Variants in COMMD10 observed in about 807,000 individuals in gnomAD.
COMMD10 encodes COMM domain-containing protein 10.
A neutral mutation model predicts 28.9 loss-of-function variants in COMMD10; 33 were observed. The observed-to-expected ratio is 1.14, with a 90% CI of 0.87 to 1.53. COMMD10 has a LOEUF of 1.53. Among genes scored for constraint, COMMD10 ranks in the 40% most tolerant of loss-of-function variants. The pLI is 0.00. For synonymous variants in COMMD10, 110 were observed against 81.7 expected, an observed-to-expected ratio of 1.35 and a Z score of -1.87; for missense variants, 310 against 233.4, an observed-to-expected ratio of 1.33 and a Z score of -2.14.
rs1751365110 is a variant in COMMD10 at position 116,291,645 on chromosome 5, A to G, written c.570+69A>G. 12 of 888,592 alleles carry G rather than the reference A, an allele frequency of 1.4e-5. 1 individual carries two copies. The highest frequency in any genetic ancestry group is 8.4e-5 in the Admixed American group (3 of 35,740). 55.0% of individuals were successfully genotyped at this position (888,592 alleles called of 1,614,324 possible). A position where few individuals can be genotyped will look rare whatever the true frequency, so the allele number is the denominator to read the frequency against. ...CATAATATTTTGTTTCATTTTATGA[A>G]TTCTTATTTTTAAATGTCATATTAT... On this transcript the variant is annotated intron_variant, in intron 6 of 6. Coordinates refer to ENST00000274458, the MANE Select transcript of COMMD10 (RefSeq NM_016144.4).
chr5:116,259,394 G>A (rs1439734335), intron 5 of COMMD10, among the ~76,000 whole-genome samples: 1 of 149,616 alleles, frequency 6.7e-6, no homozygotes, highest in East Asian at 2.0e-4. Flanking sequence ...TTTTTTGTCT[G>A]TGTGCTATCT....
Position 116,289,171 on chromosome 5 carries a change from C to T in COMMD10, c.511-2346C>T, listed in dbSNP as rs187914203. 1.8e-3 allele frequency among the ~76,000 whole-genome samples: 272 copies of T among 151,850 alleles called. 8 individuals carry two copies. The highest frequency in any genetic ancestry group is 5.9e-3 in the African/African-American group (245 of 41,242). On this transcript the variant is annotated intron_variant, in intron 5 of 6. Coordinates refer to ENST00000274458, the MANE Select transcript of COMMD10 (RefSeq NM_016144.4). ...TACTGGGATTACAGATTTGAGCTAC[C>T]GCTCCCAGCCTTCTTTTAGCTCATT...
chr5:116,210,715 A>T (rs945840500), intron 5 of COMMD10, among the ~76,000 whole-genome samples: 3 of 152,082 alleles, frequency 2.0e-5, no homozygotes, highest in Admixed American at 6.5e-5. Context: ...TACTACCTTT[A>T]TCACTGCCAC....
chr5:116,132,089 G>A (rs982751975), intron 4 of COMMD10, among the ~76,000 whole-genome samples: 39 of 151,928 alleles, frequency 2.6e-4, no homozygotes, highest in African/African-American at 8.7e-4. Flanking sequence ...GAGGCAGGTA[G>A]CCCAGTTAGA....
Position 116,240,283 on chromosome 5 carries a change from TGAG to T in COMMD10, c.511-51229_511-51227del, listed in dbSNP as rs567387371. 2.0e-3 allele frequency among the ~76,000 whole-genome samples: 307 copies of T among 151,214 alleles called. 2 individuals carry two copies. The highest frequency in any genetic ancestry group is 7.0e-3 in the African/African-American group (290 of 41,168). On this transcript the variant is annotated intron_variant, in intron 5 of 6. Transcript: ENST00000274458. ...ATGGGAAGAGAAAGGTAAGGTGAGATGAGGAGGGCAAAAGAAACAGAATGGAGA... is the reference window on the plus strand; with the variant it reads ...ATGGGAAGAGAAAGGTAAGGTGAGATGAGGGCAAAAGAAACAGAATGGAGA...
At chr5:116,106,430 C>T (rs539195025) in intron 4 of COMMD10, among the ~76,000 whole-genome samples, 8 of 152,062 alleles carry the variant, frequency 5.3e-5, no homozygotes, top group South Asian at 4.1e-4. Context: ...AGAATAAGTG[C>T]GTTATGGTGC....
intron 4 of COMMD10, among the ~76,000 whole-genome samples, chr5:116,100,583 C>T (rs114965740): frequency 0.013 from 1,787 of 133,128 alleles, 34 homozygotes; most frequent in African/African-American, 0.042. Flanking sequence ...AGGCTTTTTC[C>T]CATGGTGTAT....
At chr5:116,219,209 G>T (rs893989821) in intron 5 of COMMD10, among the ~76,000 whole-genome samples, 1 of 140,462 alleles carries the variant, frequency 7.1e-6, no homozygotes, top group East Asian at 2.2e-4. Context: ...GGAGGCTATT[G>T]TTGGTGGCTG....
At chr5:116,094,340 A>T (rs1351653384) in intron 4 of COMMD10, among the ~76,000 whole-genome samples, 1 of 152,242 alleles carries the variant, frequency 6.6e-6, no homozygotes, top group African/African-American at 2.4e-5. Context: ...AACTAATCCC[A>T]TTTAATGTGG....
At chr5:116,257,673 T>A (rs1750326339) in intron 5 of COMMD10, among the ~76,000 whole-genome samples, 1 of 151,688 alleles carries the variant, frequency 6.6e-6, no homozygotes, top group Non-Finnish European at 1.5e-5. Context: ...TAAAGACATT[T>A]AAGGCGATCA....
chr5:116,153,243 C>T (rs1752595996), intron 5 of COMMD10, among the ~76,000 whole-genome samples: 1 of 152,032 alleles, frequency 6.6e-6, no homozygotes, highest in Non-Finnish European at 1.5e-5. Context: ...AATAGTCGTT[C>T]CTGAAAAAAT....
intron 1 of COMMD10, among the ~76,000 whole-genome samples, chr5:116,086,990 G>A (rs528633602): frequency 1.4e-4 from 21 of 152,282 alleles, no homozygotes; most frequent in African/African-American, 5.1e-4. Context: ...ATTGATTACT[G>A]TTGTAATAAT....
chr5:116,200,783 G>C (rs565375696), intron 5 of COMMD10, among the ~76,000 whole-genome samples: 13 of 151,886 alleles, frequency 8.6e-5, no homozygotes, highest in African/African-American at 3.1e-4. Flanking sequence ...CTCTCTTCTT[G>C]TACTTCCCAT....
intron 4 of COMMD10, among the ~76,000 whole-genome samples, chr5:116,099,013 TTAAAG>T (rs1404137328): frequency 4.6e-5 from 7 of 152,282 alleles, no homozygotes; most frequent in African/African-American, 7.2e-5. Flanking sequence ...CTTTGAAAAC[TTAAAG>T]TAAACAACGT....
intron 5 of COMMD10, among the ~76,000 whole-genome samples, chr5:116,252,117 A>G (rs1580584361): frequency 6.7e-6 from 1 of 148,258 alleles, no homozygotes; most frequent in South Asian, 2.2e-4. Flanking sequence ...GTGTCTGTTC[A>G]TGTCCTTTGC....
chr5:116,102,049 ATCT>A (rs1216336170), intron 4 of COMMD10, among the ~76,000 whole-genome samples: 3 of 152,064 alleles, frequency 2.0e-5, no homozygotes, highest in African/African-American at 7.2e-5. Flanking sequence ...TCCTGGGCAA[ATCT>A]TCTTAGTTTA....
chr5:116,256,780 G>A (rs1171159253), intron 5 of COMMD10, among the ~76,000 whole-genome samples: 2 of 151,618 alleles, frequency 1.3e-5, no homozygotes, highest in Non-Finnish European at 2.9e-5. Flanking sequence ...GAATAATTTT[G>A]TGCATTAAAC....
intron 4 of COMMD10, among the ~76,000 whole-genome samples, chr5:116,093,848 A>G (rs1750382049): frequency 6.6e-6 from 1 of 152,232 alleles, no homozygotes; most frequent in African/African-American, 2.4e-5. Context: ...ATGGAACAGC[A>G]TAAAATACCC....
At chr5:116,133,384 T>C (rs1380845750) in intron 4 of COMMD10, among the ~76,000 whole-genome samples, 1 of 152,244 alleles carries the variant, frequency 6.6e-6, no homozygotes, top group African/African-American at 2.4e-5. Flanking sequence ...ATTTTGCTGT[T>C]GTATTAACTA....
Sources: gnomAD v4.1 joint callset for allele counts (sites outside exome capture counted in the v4.1 genomes callset) on GRCh38, gnomAD v4.1.1 for gene constraint, MANE v1.5 for transcripts, NCBI Gene and HGNC (gene_info 2026-07-23, HGNC 2026-07-21) for gene names.